The following VWF variants were observed in gnomAD, a reference collection of about 807,000 sequenced individuals.
VWF encodes von Willebrand factor.
VWF carries 176 observed loss-of-function variants against 308.6 expected under a neutral mutation model. The observed-to-expected ratio is 0.57, with a 90% CI of 0.50 to 0.65. The LOEUF is 0.65. Ranked by LOEUF, VWF falls within the 30% of genes least tolerant of loss-of-function variation. The pLI, the probability that VWF is intolerant of heterozygous loss-of-function variation, is 0.00. For synonymous variants in VWF, 1,385 were observed against 1,443.4 expected (o/e 0.96, Z 0.92); for missense variants, 3,146 against 3,648.2 (o/e 0.86, Z 3.55).
At chr12:6,111,291 G>A (rs1281240785) in intron 3 of VWF, among the ~76,000 whole-genome samples, 2 of 152,188 alleles carry the variant, frequency 1.3e-5, no homozygotes, top group South Asian at 2.1e-4. Flanking sequence ...TGCGACAATT[G>A]AGTATATTGT....
At chr12:6,028,711 GA>G (rs1944222113) in intron 22 of VWF, among the ~76,000 whole-genome samples, 1 of 152,168 alleles carries the variant, frequency 6.6e-6, no homozygotes, top group Non-Finnish European at 1.5e-5. Flanking sequence ...AGCAAATGCT[GA>G]GAGATTTTGT....
intron 43 of VWF, 35 bp downstream of exon 43, chr12:5,976,076 T>G: frequency 1.2e-6 from 2 of 1,612,734 alleles, no homozygotes; most frequent in African/African-American, 2.7e-5. Flanking sequence ...CCCGCTCTGA[T>G]AGCTGCAGGC....
chr12:6,050,817 T>A (rs990759789), intron 16 of VWF, among the ~76,000 whole-genome samples: 6 of 151,996 alleles, frequency 3.9e-5, no homozygotes, highest in Admixed American at 2.6e-4. Flanking sequence ...TAGCGGGGCG[T>A]GGTGGCAGGT....
chr12:6,112,837 C>CACACACAT (rs1945324117), intron 3 of VWF, among the ~76,000 whole-genome samples: 1 of 151,128 alleles, frequency 6.6e-6, no homozygotes, highest in African/African-American at 2.5e-5. Context: ...GACACACACA[C>CACACACAT]ACACACACAC....
At chr12:6,061,267 G>A (rs1944651623) in intron 13 of VWF, among the ~76,000 whole-genome samples, 1 of 152,090 alleles carries the variant, frequency 6.6e-6, no homozygotes, top group South Asian at 2.1e-4. Context: ...AGACCGGGGT[G>A]CAGGAGGCAA....
chr12:6,095,697 A>G (rs1331965054), intron 5 of VWF, 113 bp from the exon 6 acceptor site: 6 of 1,498,590 alleles, frequency 4.0e-6, no homozygotes, highest in Non-Finnish European at 5.5e-6. Flanking sequence ...AATTTTTTAT[A>G]AAGAGACAGG....
At chr12:6,123,066 C>T (rs1945448333) in intron 2 of VWF, 76 bp downstream of exon 2, 2 of 1,587,692 alleles carry the variant, frequency 1.3e-6, no homozygotes, top group Non-Finnish European at 1.7e-6. Flanking sequence ...CCAGACACAC[C>T]TGCTGATTCC....
Position 6,019,852 on chromosome 12 carries a change from C to T in VWF, c.3675-109G>A. 1 of 1,281,814 alleles carries T rather than the reference C, an allele frequency of 7.8e-7. No individual in the cohort carries two copies. The allele number at this position is 1,281,814 out of a possible 1,614,324, so 79.4% of individuals were successfully genotyped here. On this transcript the variant is annotated intron_variant, in intron 27 of 51. Coordinates refer to ENST00000261405, the MANE Select transcript of VWF (RefSeq NM_000552.5). This position sits in a 1 kb window ranked among gnomAD's most constrained non-coding sequence, Gnocchi z 5.8. ...TATTCCCACAGAATCTCCTCTGTTC[C>T]ACCTGAACTTGAGATCCCATGGACC...
chr12:6,053,084 A>G (rs1281910680), intron 15 of VWF, among the ~76,000 whole-genome samples: 3 of 152,150 alleles, frequency 2.0e-5, no homozygotes, highest in African/African-American at 7.2e-5. Flanking sequence ...GGGGGCACAC[A>G]TTTTCTCCTT....
At chr12:6,027,210 C>A (rs1256026484) in intron 22 of VWF, among the ~76,000 whole-genome samples, 1 of 152,106 alleles carries the variant, frequency 6.6e-6, no homozygotes, top group East Asian at 1.9e-4. Context: ...ACCCCCAAGT[C>A]CCTCCTCTGT....
Position 6,034,745 on chromosome 12 carries a change from G to T in VWF, c.2628C>A (p.Leu876=). 1 of 1,614,228 alleles carries T rather than the reference G, an allele frequency of 6.2e-7. No homozygotes were observed. The highest frequency in any genetic ancestry group is 8.5e-7 in the Non-Finnish European group (1 of 1,180,040). ...ACAGGTATTTGAGCCCGTCGAAGGT[G>T]AGGTAGTGGGCCATGCCGATCGTGG... The part of the protein sequence containing the change: ...TCSTIGMAHY[L]TFDGLKYLFP... The change falls in exon 20 of 52, where the codon CTC becomes CTA. Residue 876 remains leucine, a synonymous_variant. Coordinates refer to ENST00000261405, the MANE Select transcript of VWF (RefSeq NM_000552.5).
intron 3 of VWF, among the ~76,000 whole-genome samples, 171 bp downstream of exon 3, chr12:6,121,003 C>T (rs1476778539): frequency 1.3e-5 from 2 of 152,154 alleles, no homozygotes; most frequent in African/African-American, 4.8e-5. Flanking sequence ...GGGAGAGACC[C>T]GGGGAAAGCC....
At chr12:6,105,155 T>C (rs965294594) in intron 5 of VWF, among the ~76,000 whole-genome samples, 3 of 152,212 alleles carry the variant, frequency 2.0e-5, no homozygotes, top group Non-Finnish European at 4.4e-5. Flanking sequence ...CAAAGTATAT[T>C]GTACCCTAAA....
At chr12:5,995,031 G>C (rs1337083200) in intron 35 of VWF, among the ~76,000 whole-genome samples, 1 of 152,150 alleles carries the variant, frequency 6.6e-6, no homozygotes, top group Non-Finnish European at 1.5e-5. Flanking sequence ...GCTTCTCTGT[G>C]GTGGTGGATA....
At chr12:6,099,400 C>T (rs936675147) in intron 5 of VWF, among the ~76,000 whole-genome samples, 2 of 151,252 alleles carry the variant, frequency 1.3e-5, no homozygotes, top group Admixed American at 6.6e-5. Flanking sequence ...GGAAAAACGT[C>T]TCCCTCAATA....
intron 47 of VWF, among the ~76,000 whole-genome samples, chr12:5,954,562 G>A (rs974766692): frequency 1.3e-5 from 2 of 152,190 alleles, no homozygotes; most frequent in Non-Finnish European, 2.9e-5. Flanking sequence ...TCTGCCTGAG[G>A]ACTCAGCAGA....
chr12:5,989,147 C>T (rs1228848962), intron 38 of VWF, among the ~76,000 whole-genome samples: 2 of 152,218 alleles, frequency 1.3e-5, no homozygotes, highest in Non-Finnish European at 2.9e-5. Flanking sequence ...CACCCACCAC[C>T]ACCAGCAGCT....
chr12:5,988,976 GCACCACCCAC>G (rs1943709051), intron 38 of VWF, among the ~76,000 whole-genome samples: 2 of 152,194 alleles, frequency 1.3e-5, no homozygotes, highest in Admixed American at 1.3e-4. Flanking sequence ...AATTCATCAT[GCACCACCCAC>G]CACCAGCCAA....
intron 20 of VWF, among the ~76,000 whole-genome samples, chr12:6,031,926 C>G (rs1348203363): frequency 1.3e-5 from 2 of 152,172 alleles, no homozygotes; most frequent in Admixed American, 1.3e-4. Context: ...CCACTGGAGC[C>G]TTGCCTAGAG....
Sources: gnomAD v4.1 joint callset for allele counts (sites outside exome capture counted in the v4.1 genomes callset) on GRCh38, gnomAD v4.1.1 for gene constraint, Gnocchi (gnomAD v3.1) non-coding constraint, MANE v1.5 for transcripts, NCBI Gene and HGNC (gene_info 2026-07-23, HGNC 2026-07-21) for gene names.